PREX1: variants seen among roughly 807,000 people sequenced by gnomAD.
PREX1 encodes the protein phosphatidylinositol 3,4,5-trisphosphate-dependent Rac exchanger 1 protein.
A neutral mutation model predicts 198.3 loss-of-function variants in PREX1; 41 were observed. The ratio of observed to expected loss-of-function variants is 0.21; its 90% CI spans 0.16 to 0.27. The LOEUF (loss-of-function observed/expected upper bound fraction) is 0.27. PREX1 is among the 10% of genes least tolerant of loss of function. The pLI, the probability that PREX1 is intolerant of heterozygous loss-of-function variation, is 1.00. For synonymous variants in PREX1, 843 were observed against 887.2 expected (o/e 0.95, Z 0.89); for missense variants, 1,620 against 2,200.7 (o/e 0.74, Z 5.28).
intron 10 of PREX1, among the ~76,000 whole-genome samples, chr20:48,683,635 A>C (rs2089766441): frequency 6.6e-6 from 1 of 152,198 alleles, no homozygotes; most frequent in Non-Finnish European, 1.5e-5. Flanking sequence ...GCCGTGTCTA[A>C]AGCTGGCAGC....
intron 15 of PREX1, among the ~76,000 whole-genome samples, chr20:48,664,910 G>A (rs1170046419): frequency 6.7e-6 from 1 of 148,180 alleles, no homozygotes; most frequent in Non-Finnish European, 1.5e-5. Context: ...CGGCCCAGAC[G>A]GCCTGAATTC....
At chr20:48,639,041 A>G (rs1416744494) in intron 30 of PREX1, among the ~76,000 whole-genome samples, 1 of 152,274 alleles carries the variant, frequency 6.6e-6, no homozygotes, top group Non-Finnish European at 1.5e-5. Flanking sequence ...TGTCCTGGTC[A>G]AACATCTCCC....
chr20:48,862,807 A>ATATATATATATGTGTG, the PREX1 span, among the ~76,000 whole-genome samples: 4 of 126,688 alleles, frequency 3.2e-5, no homozygotes, highest in East Asian at 2.1e-4. Flanking sequence ...ATATATATAT[A>ATATATATATATGTGTG]TATATACTAA....
the PREX1 span, among the ~76,000 whole-genome samples, chr20:48,870,783 AC>A: frequency 6.8e-6 from 1 of 146,334 alleles, no homozygotes; most frequent in Non-Finnish European, 1.5e-5. Context: ...CCCTGTCTCT[AC>A]TATGAAAAAT....
At chr20:48,642,054 T>A (rs918217656) in intron 29 of PREX1, 114 bp downstream of exon 29, 21 of 1,094,126 alleles carry the variant, frequency 1.9e-5, no homozygotes, top group Non-Finnish European at 2.6e-5. Flanking sequence ...GTCCTGATGA[T>A]CCTACAGTCG....
Position 48,659,853 on chromosome 20 carries a change from C to A in PREX1, c.1881+66G>T. The A allele has an allele frequency of 2.5e-6, 4 of 1,603,748 alleles. No individual in the cohort carries two copies. The South Asian group carries it at 4.4e-5, about 18-fold the overall frequency. The stretch of plus-strand genomic sequence containing the variant: ...CCTTCCCTGTGCATAACCAGAAGGT[C>A]GCCCAGCTCCCATGCCTGCAGGGGG... On this transcript the variant is annotated intron_variant, in intron 16 of 39. Coordinates refer to ENST00000371941, the MANE Select transcript of PREX1 (RefSeq NM_020820.4).
intron 1 of PREX1, among the ~76,000 whole-genome samples, chr20:48,818,595 C>G (rs1442253856): frequency 2.0e-5 from 3 of 152,220 alleles, no homozygotes; most frequent in Non-Finnish European, 2.9e-5. Flanking sequence ...TCAGGTACGC[C>G]ACTTCCCCTC....
At chr20:48,805,623 C>A (rs1377962160) in intron 1 of PREX1, among the ~76,000 whole-genome samples, 2 of 152,170 alleles carry the variant, frequency 1.3e-5, no homozygotes, top group African/African-American at 4.8e-5. Flanking sequence ...TCTCCAGGGT[C>A]CCCTCAGCAC....
At chr20:48,847,378 A>AC in the PREX1 span, among the ~76,000 whole-genome samples, 1 of 151,314 alleles carries the variant, frequency 6.6e-6, no homozygotes, top group African/African-American at 2.4e-5. Flanking sequence ...AAAAAAAAAA[A>AC]AAAAAACAAA....
At chr20:48,886,870 T>C in the PREX1 span, among the ~76,000 whole-genome samples, 1 of 152,184 alleles carries the variant, frequency 6.6e-6, no homozygotes, top group Admixed American at 6.5e-5. Flanking sequence ...AGCTGGGTGG[T>C]GAATCCAAGC....
intron 4 of PREX1, among the ~76,000 whole-genome samples, chr20:48,728,328 C>T (rs2090018604): frequency 6.6e-6 from 1 of 152,224 alleles, no homozygotes; most frequent in Admixed American, 6.5e-5. Context: ...AAAGTTCATG[C>T]CGAAAGCCTA....
intron 21 of PREX1, among the ~76,000 whole-genome samples, chr20:48,652,009 G>C (rs931671564): frequency 6.6e-6 from 1 of 152,194 alleles, no homozygotes; most frequent in Admixed American, 6.5e-5. Flanking sequence ...CAGCCCTGTG[G>C]ACACCATGAT....
At position 48,626,451 on chromosome 20, in the gene PREX1, G is replaced by A. The variant is rs143990488; in HGVS notation, c.4938-524C>T. ...CAGCTTTTCCATTTACTAGCTGTGT[G>A]ACATTGGACAAGATACTTAACCTCT... On this transcript the variant is annotated intron_variant, in intron 39 of 39. Coordinates refer to ENST00000371941, the MANE Select transcript of PREX1 (RefSeq NM_020820.4). Among the ~76,000 whole-genome samples, 12 of 152,346 alleles carry A rather than the reference G, an allele frequency of 7.9e-5. No individual in the cohort carries two copies. The East Asian group carries it at 2.1e-3, about 27-fold the overall frequency.
At chr20:48,873,974 C>T in the PREX1 span, among the ~76,000 whole-genome samples, 2 of 152,096 alleles carry the variant, frequency 1.3e-5, no homozygotes, top group African/African-American at 4.8e-5. Flanking sequence ...GCCTCTACCT[C>T]CTGGGCTCAA....
In PREX1 at chr20:48,683,902, A is replaced by C. The variant is rs2089768885; in HGVS notation, c.1335-2567T>G. Among the ~76,000 whole-genome samples, 9 of 152,222 alleles carry C rather than the reference A, an allele frequency of 5.9e-5. No homozygotes were observed. The South Asian group carries it at 1.9e-3, about 32-fold the overall frequency. ...GTTCTGGGCAAGGGGATCAGCGCAC[A>C]CAGAAGCCCTGAGAGGTAAGGTCAG... On this transcript the variant is annotated intron_variant, in intron 10 of 39. Coordinates refer to ENST00000371941, the MANE Select transcript of PREX1 (RefSeq NM_020820.4).
At chr20:48,845,818 T>C in the PREX1 span, among the ~76,000 whole-genome samples, 1 of 151,726 alleles carries the variant, frequency 6.6e-6, no homozygotes, top group South Asian at 2.1e-4. Flanking sequence ...GAGGTGGTAA[T>C]GTGGAGACAG....
chr20:48,802,225 T>C (rs576442133), intron 1 of PREX1, among the ~76,000 whole-genome samples: 40 of 151,660 alleles, frequency 2.6e-4, no homozygotes, highest in Middle Eastern at 3.4e-3. Flanking sequence ...TCACTGTCAC[T>C]GCCTGGCCTA....
intron 16 of PREX1, among the ~76,000 whole-genome samples, chr20:48,659,150 AGGGGAGG>A (rs2089569019): frequency 1.0e-5 from 1 of 97,286 alleles, no homozygotes; most frequent in African/African-American, 4.1e-5. Context: ...GAGAGGAGAG[AGGGGAGG>A]GGAGAAAGGG....
chr20:48,872,258 C>T, the PREX1 span, among the ~76,000 whole-genome samples: 5 of 152,050 alleles, frequency 3.3e-5, no homozygotes, highest in Non-Finnish European at 7.4e-5. Flanking sequence ...CATCCACATG[C>T]GTCACACCAT....
Sources: allele counts gnomAD v4.1 joint callset (sites outside exome capture counted in the v4.1 genomes callset), GRCh38; gene constraint gnomAD v4.1.1; transcripts MANE v1.5; gene names NCBI Gene and HGNC (gene_info 2026-07-23, HGNC 2026-07-21).